The following ZBTB3 variants were observed in gnomAD, a reference collection of about 807,000 sequenced individuals.
ZBTB3 encodes zinc finger and BTB domain-containing protein 3.
ZBTB3 carries 15 observed loss-of-function variants against 30.6 expected under a neutral mutation model. The ratio of observed to expected loss-of-function variants is 0.49; its 90% CI spans 0.33 to 0.75. The LOEUF is 0.75. ZBTB3 is among the 30% of genes least tolerant of loss of function. The probability of loss-of-function intolerance (pLI) is 0.02; values close to 1 mark genes in which losing one functional copy is unlikely to be tolerated. For synonymous variants in ZBTB3, 258 were observed against 261.7 expected, an observed-to-expected ratio of 0.99 and a Z score of 0.14; for missense variants, 599 against 652.1, an observed-to-expected ratio of 0.92 and a Z score of 0.89.
intron 1 of ZBTB3, 102 bp from the exon 2 acceptor site, chr11:62,753,817 C>T (rs1478889735): frequency 1.3e-6 from 2 of 1,525,086 alleles, no homozygotes; most frequent in Non-Finnish European, 1.8e-6. Context: ...TAAGTTACTG[C>T]CCTTCTTTCT....
At chr11:62,753,889 G>T (rs562754719) in intron 1 of ZBTB3, 75 bp downstream of exon 1, 416 of 1,587,268 alleles carry the variant, frequency 2.6e-4, no homozygotes, top group Non-Finnish European at 3.4e-4. Context: ...CTTAGAACAG[G>T]CCCCACCCCC....
rs1352717812 is a variant in ZBTB3 at position 62,753,640 on chromosome 11, GCTGA to G, written c.21_24del (p.Gln8SerfsTer20). The G allele has an allele frequency of 3.1e-6, 5 of 1,613,528 alleles. No homozygotes were observed. Among genetic ancestry groups the G allele is most frequent in the East Asian group, 2.2e-5 (1 of 44,888 alleles). On this transcript the variant is annotated frameshift_variant, in exon 2 of 2. Coordinates refer to ENST00000394807, the MANE Select transcript of ZBTB3 (RefSeq NM_001370809.1). LOFTEE classifies it high-confidence loss of function. Reference sequence around the variant, plus strand: ...TGCTCCCGGAGGCTCTGCAGCAGCTGCTGACTGTGTTCTGGGAACTCCATAGTAC... The same window carrying G: ...TGCTCCCGGAGGCTCTGCAGCAGCTGCTGTGTTCTGGGAACTCCATAGTAC...
In ZBTB3 at chr11:62,752,017, G is replaced by A; in HGVS notation, c.*73C>T. The stretch of plus-strand genomic sequence containing the variant: ...TTTATTCTTGTCACCCAGCAGGGGT[G>A]ATAAGGTGCCACCAACCTTCTGAGC... On this transcript the variant is annotated 3_prime_UTR_variant, in exon 2 of 2. Transcript: ENST00000394807. 7.0e-7 allele frequency: 1 copy of A among 1,433,678 alleles called. No individual in the cohort carries two copies. Among genetic ancestry groups the A allele is most frequent in the Non-Finnish European group, 9.4e-7 (1 of 1,064,746 alleles). The allele number at this position is 1,433,678 out of a possible 1,614,324, so 88.8% of individuals were successfully genotyped here.
chr11:62,753,384 G>A lies in ZBTB3; in HGVS notation c.281C>T (p.Thr94Ile), dbSNP rs770904024. 2.5e-6 allele frequency: 4 copies of A among 1,614,068 alleles called. No homozygotes were observed. The East Asian group carries it at 8.9e-5, about 36-fold the overall frequency. ...AGCTGCCAGCACATCCTCCACAGGG[G>A]TATCCCCTCTCAGGGTCAGCTGGCC... ...YAGQLTLRGD[T>I]PVEDVLAAAS... The change falls in exon 2 of 2, where the codon ACC becomes ATC. Residue 94 changes from threonine (T) to isoleucine (I), a missense_variant. Transcript: ENST00000394807.
intron 1 of ZBTB3, 38 bp downstream of exon 1, chr11:62,753,925 TC>T (rs2084040658): frequency 6.3e-7 from 1 of 1,596,634 alleles, no homozygotes; most frequent in Non-Finnish European, 8.5e-7. Flanking sequence ...CCCCCGGAAG[TC>T]CCGCCCCTTA....
At position 62,752,890 on chromosome 11, in the gene ZBTB3, C is replaced by G. The variant is rs1175059190; in HGVS notation, c.775G>C (p.Val259Leu). The change falls in exon 2 of 2, where the codon GTG becomes CTG. Residue 259 changes from valine to leucine, a missense_variant. By Grantham distance (32) the Val-to-Leu change is conservative. Coordinates refer to ENST00000394807, the MANE Select transcript of ZBTB3 (RefSeq NM_001370809.1). ...GGTCCTCCAGGATCCTTTGGTTCCA[C>G]CACCCTCAGACTCTCAGGACCCACA... ...LDVGPESLRVVEPKDPGGPLQ... is the reference protein window; with the variant it reads ...LDVGPESLRVLEPKDPGGPLQ... 8 of 1,614,114 alleles carry G rather than the reference C, an allele frequency of 5.0e-6. No homozygotes were observed. Among genetic ancestry groups the G allele is most frequent in the South Asian group, 1.1e-5 (1 of 91,082 alleles).
rs2084015894 is a variant in ZBTB3, at chr11:62,751,928, CTG to C, written c.*160_*161del. On this transcript the variant is annotated 3_prime_UTR_variant, in exon 2 of 2. Transcript: ENST00000394807. The stretch of plus-strand genomic sequence containing the variant: ...CCAGTCTGGGTGACAGAGTGAGACT[CTG>C]TCTCAAAAAAATAAAAGATTAAAAA... 4.4e-6 allele frequency: 3 copies of C among 674,332 alleles called. No individual in the cohort carries two copies. The highest frequency in any genetic ancestry group is 7.0e-6 in the Non-Finnish European group (3 of 428,162). The allele number at this position is 674,332 out of a possible 1,614,324, so 41.8% of individuals were successfully genotyped here.
At position 62,753,655 on chromosome 11, in the gene ZBTB3, G is replaced by A. The variant is rs752386537; in HGVS notation, c.10C>T (p.Pro4Ser). ...TGCAGCAGCTGCTGACTGTGTTCTG[G>A]GAACTCCATAGTACCCCACGAAGGA... MEF[P>S]EHSQQLLQSL... The change falls in exon 2 of 2, where the codon CCA (proline) becomes TCA (serine). Residue 4 changes from proline to serine, a missense_variant. Pro to Ser is a moderately conservative substitution (Grantham distance 74, BLOSUM62 -1). Transcript: ENST00000394807. 1 of 1,613,222 alleles carries A rather than the reference G, an allele frequency of 6.2e-7. No homozygotes were observed. The highest frequency in any genetic ancestry group is 8.5e-7 in the Non-Finnish European group (1 of 1,179,950).
Position 62,753,143 on chromosome 11 carries a change from A to C in ZBTB3, c.522T>G (p.Ser174=). ...GACGGACAGTAGGTGAGGGAGCAGC[A>C]GAGCCTTTCCATTCCCCTTTGCCCC... The part of the protein sequence containing the change: ...GHWGKGEWKG[S]AAPSPTVRPP... Residue 174 remains serine (S), a synonymous_variant, in exon 2 of 2, where the codon TCT becomes TCG. Transcript: ENST00000394807. The C allele has an allele frequency of 6.2e-7, 1 of 1,614,210 alleles. No homozygotes were observed. The highest frequency in any genetic ancestry group is 8.5e-7 in the Non-Finnish European group (1 of 1,180,044).
rs759610378 is a variant in ZBTB3 at position 62,753,570 on chromosome 11, C to G, written c.95G>C (p.Ser32Thr). 9 of 1,614,034 alleles carry G rather than the reference C, an allele frequency of 5.6e-6. No individual in the cohort carries two copies. The highest frequency in any genetic ancestry group is 1.3e-5 in the African/African-American group (1 of 74,944). ...AGCCCGATGGGCCAAGAACTGGGTA[C>G]TACCCACCATCACGGTGCAGTCACA... is the stretch of plus-strand genomic sequence containing the variant. Reference protein sequence around the residue: ...FLCDCTVMVGSTQFLAHRAVL... With the variant: ...FLCDCTVMVGTTQFLAHRAVL... The change falls in exon 2 of 2, where the codon AGT becomes ACT. Residue 32 changes from serine to threonine, a missense_variant. By Grantham distance (58) the Ser-to-Thr change is moderately conservative. Coordinates refer to ENST00000394807, the MANE Select transcript of ZBTB3 (RefSeq NM_001370809.1).
At position 62,752,822 on chromosome 11, in the gene ZBTB3, G is replaced by C. The variant is rs1314167785; in HGVS notation, c.843C>G (p.Ala281=). Residue 281 remains alanine (A), a synonymous_variant, in exon 2 of 2, where the codon GCC becomes GCG. Coordinates refer to ENST00000394807, the MANE Select transcript of ZBTB3 (RefSeq NM_001370809.1). ...GAACTGGAGCTGAGACAGGGGCTGG[G>C]GCTGACGTTGGGGCTGAGGCTGGGG... ...FYPPASAPTS[A]PAPVSAPVPS... 1.2e-6 allele frequency: 2 copies of C among 1,614,118 alleles called. No homozygotes were observed. Among genetic ancestry groups the C allele is most frequent in the South Asian group, 2.2e-5 (2 of 91,088 alleles).
At position 62,753,052 on chromosome 11, in the gene ZBTB3, G is replaced by A. The variant is rs746529059; in HGVS notation, c.613C>T (p.Pro205Ser). Residue 205 changes from proline to serine, a missense_variant, in exon 2 of 2, where the codon CCA (proline) becomes TCA (serine). By Grantham distance (74) the Pro-to-Ser change is moderately conservative. Coordinates refer to ENST00000394807, the MANE Select transcript of ZBTB3 (RefSeq NM_001370809.1). ...GGTGGATGAGGTGCCCGCAGATGTG[G>A]TGCGTCAACCTCCATGCCAGGCTGT... ...TTQPGMEVDA[P>S]HLRAPHPPVA... 6.2e-6 allele frequency: 10 copies of A among 1,614,062 alleles called. No individual in the cohort carries two copies. The African/African-American group carries it at 1.1e-4, about 17-fold the overall frequency.
chr11:62,752,975 A>G lies in ZBTB3; in HGVS notation c.690T>C (p.Pro230=). The G allele has an allele frequency of 6.2e-7, 1 of 1,614,164 alleles. No homozygotes were observed. Among genetic ancestry groups the G allele is most frequent in the Non-Finnish European group, 8.5e-7 (1 of 1,180,026 alleles). The change falls in exon 2 of 2, where the codon CCT becomes CCC. Residue 230 remains proline (P), a synonymous_variant. Transcript: ENST00000394807. ...AGATGCCAGAAGAGAAGTAGTTTGT[A>G]GGAATGGTCTCAGTGGAGCTACTAG... ...ASPSSSTETI[P]TNYFSSGISA...
rs2084034246 is a variant in ZBTB3 at position 62,753,326 on chromosome 11, C to T, written c.339G>A (p.Lys113=). 1 of 1,614,008 alleles carries T rather than the reference C, an allele frequency of 6.2e-7. No individual in the cohort carries two copies. Among genetic ancestry groups the T allele is most frequent in the South Asian group, 1.1e-5 (1 of 91,094 alleles). Residue 113 remains lysine, a synonymous_variant, in exon 2 of 2, where the codon AAG becomes AAA. Coordinates refer to ENST00000394807, the MANE Select transcript of ZBTB3 (RefSeq NM_001370809.1). ...ASYLHMNDIV[K]VCKRRLQARA... ...GGGCTTGAAGCCGCCGCTTACACAC[C>T]TTGACGATGTCATTCATGTGCAAGT...
At position 62,753,515 on chromosome 11, in the gene ZBTB3, C is replaced by T. The variant is rs1377155806; in HGVS notation, c.150G>A (p.Gln50=). ...CCAATTCCCGCTCCTTGTAGAAAAG[C>T]TGGAAGAATGGGCTGCAGGAGGCCA... ...AVLASCSPFF[Q]LFYKERELDK... is the part of the protein sequence containing the mutation. Residue 50 remains glutamine, a synonymous_variant, in exon 2 of 2, where the codon CAG becomes CAA. Transcript: ENST00000394807. 1 of 1,614,198 alleles carries T rather than the reference C, an allele frequency of 6.2e-7. No individual in the cohort carries two copies. The highest frequency in any genetic ancestry group is 8.5e-7 in the Non-Finnish European group (1 of 1,180,036).
At position 62,753,015 on chromosome 11, in the gene ZBTB3, A is replaced by G. The variant is rs1463974148; in HGVS notation, c.650T>C (p.Val217Ala). The G allele has an allele frequency of 6.2e-7, 1 of 1,614,080 alleles. No individual in the cohort carries two copies. Among genetic ancestry groups the G allele is most frequent in the Admixed American group, 1.7e-5 (1 of 59,990 alleles). ...GGAGCTACTAGGGCTGGCAAGAGAG[A>G]CATCAGCCACTGGTGGATGAGGTGC... The part of the protein sequence containing the change: ...LRAPHPPVAD[V>A]SLASPSSSTE... Residue 217 changes from valine to alanine, a missense_variant, in exon 2 of 2, where the codon GTC becomes GCC. Coordinates refer to ENST00000394807, the MANE Select transcript of ZBTB3 (RefSeq NM_001370809.1).
chr11:62,752,322 C>T lies in ZBTB3; in HGVS notation c.1343G>A (p.Arg448Gln), dbSNP rs1565178401. The T allele has an allele frequency of 1.2e-6, 2 of 1,614,168 alleles. No individual in the cohort carries two copies. The highest frequency in any genetic ancestry group is 1.7e-6 in the Non-Finnish European group (2 of 1,180,034). ...CAGGCAGTAGCGGCACTCATAGGGT[C>T]GCTCACGTGTGTGCACCGTGGCATG... ...RRHATVHTRE[R>Q]PYECRYCLRS... The change falls in exon 2 of 2, where the codon CGA becomes CAA. Residue 448 changes from arginine (R) to glutamine (Q), a missense_variant. Coordinates refer to ENST00000394807, the MANE Select transcript of ZBTB3 (RefSeq NM_001370809.1).
Position 62,752,864 on chromosome 11 carries a change from T to C in ZBTB3, c.801A>G (p.Pro267=). 1.2e-6 allele frequency: 2 copies of C among 1,614,064 alleles called. No homozygotes were observed. Among genetic ancestry groups the C allele is most frequent in the Non-Finnish European group, 1.7e-6 (2 of 1,180,000 alleles). The stretch of plus-strand genomic sequence containing the variant: ...AGGCTGGGGGATAGAAGCCTTGCAG[T>C]GGTCCTCCAGGATCCTTTGGTTCCA... ...RVVEPKDPGG[P]LQGFYPPASA... is the part of the protein sequence containing the mutation. The change falls in exon 2 of 2, where the codon CCA becomes CCG. Residue 267 remains proline, a synonymous_variant. Coordinates refer to ENST00000394807, the MANE Select transcript of ZBTB3 (RefSeq NM_001370809.1).
At position 62,753,614 on chromosome 11, in the gene ZBTB3, C is replaced by T; in HGVS notation, c.51G>A (p.Gln17=). Residue 17 remains glutamine, a synonymous_variant, in exon 2 of 2, where the codon CAG becomes CAA. Coordinates refer to ENST00000394807, the MANE Select transcript of ZBTB3 (RefSeq NM_001370809.1). Reference sequence around the variant, plus strand: ...AGTCACAAAGGAAACCCTGGGACCGCTGCTCCCGGAGGCTCTGCAGCAGCT... The same window carrying T: ...AGTCACAAAGGAAACCCTGGGACCGTTGCTCCCGGAGGCTCTGCAGCAGCT... ...SQQLLQSLRE[Q]RSQGFLCDCT... The T allele has an allele frequency of 6.2e-7, 1 of 1,613,926 alleles. No individual in the cohort carries two copies. The highest frequency in any genetic ancestry group is 8.5e-7 in the Non-Finnish European group (1 of 1,179,958).
Sources: allele counts gnomAD v4.1 joint callset, GRCh38; gene constraint gnomAD v4.1.1; transcripts MANE v1.5; gene names NCBI Gene and HGNC (gene_info 2026-07-23, HGNC 2026-07-21).